Variants in LRRTM4 observed in about 807,000 individuals in gnomAD.
LRRTM4 encodes the protein leucine rich repeat transmembrane neuronal 4, also known as leucine-rich repeat transmembrane neuronal protein 4.
In LRRTM4, 25 loss-of-function variants were observed where a neutral mutation model predicts 47.6. That is an observed-to-expected ratio of 0.53 (90% CI 0.38 to 0.73). The LOEUF (loss-of-function observed/expected upper bound fraction) is 0.73, where lower values mean the gene tolerates loss of function less well. Ranked by LOEUF, LRRTM4 falls within the 30% of genes least tolerant of loss-of-function variation. The pLI, the probability that LRRTM4 is intolerant of heterozygous loss-of-function variation, is 0.00. For missense variants in LRRTM4, 638 were observed against 713.4 expected (o/e 0.89, Z 1.20); for synonymous variants, 311 against 269.5 (o/e 1.15, Z -1.51).
chr2:77,082,567 T>C (rs1343152185), intron 3 of LRRTM4, among the ~76,000 whole-genome samples: 2 of 152,070 alleles, frequency 1.3e-5, no homozygotes, highest in Non-Finnish European at 2.9e-5. Flanking sequence ...TATATATAGG[T>C]CAATGCAGAA....
intron 3 of LRRTM4, among the ~76,000 whole-genome samples, chr2:76,841,168 C>T (rs1416040129): frequency 2.0e-5 from 3 of 151,202 alleles, no homozygotes; most frequent in African/African-American, 4.9e-5. Flanking sequence ...AGCAAGCTAT[C>T]GCAAGGACAA....
chr2:76,977,649 T>G (rs1291431028), intron 3 of LRRTM4, among the ~76,000 whole-genome samples: 1 of 151,946 alleles, frequency 6.6e-6, no homozygotes, highest in Non-Finnish European at 1.5e-5. Context: ...CAGTCATAAC[T>G]CACTGTAAAG....
chr2:76,771,407 CA>C (rs1234808889), intron 3 of LRRTM4, among the ~76,000 whole-genome samples: 1 of 152,070 alleles, frequency 6.6e-6, no homozygotes, highest in Non-Finnish European at 1.5e-5. Flanking sequence ...AAGATTGAAG[CA>C]AAATCCCATG....
At chr2:77,490,522 C>A (rs1678104798) in intron 3 of LRRTM4, among the ~76,000 whole-genome samples, 1 of 151,988 alleles carries the variant, frequency 6.6e-6, no homozygotes, top group Non-Finnish European at 1.5e-5. Flanking sequence ...CTGGGAGGTG[C>A]AATCCACAAA....
chr2:77,301,046 C>T (rs1180201395), intron 3 of LRRTM4, among the ~76,000 whole-genome samples: 1 of 151,648 alleles, frequency 6.6e-6, no homozygotes, highest in Non-Finnish European at 1.5e-5. Flanking sequence ...CATGCTATAT[C>T]TCTTTTAAAG....
Position 77,362,170 on chromosome 2 carries a change from A to AAAGAAAGGAAGGAAGGAAGGAAGG in LRRTM4, c.1551+156147_1551+156148insCCTTCCTTCCTTCCTTCCTTTCTT, listed in dbSNP as rs1282143102. Among the ~76,000 whole-genome samples, 52 of 133,592 alleles carry AAAGAAAGGAAGGAAGGAAGGAAGG rather than the reference A, an allele frequency of 3.9e-4. 1 individual carries two copies. The highest frequency in any genetic ancestry group is 1.5e-3 in the African/African-American group (47 of 30,534). 87.6% of individuals were successfully genotyped at this position (133,592 alleles called of 152,430 possible). A position where few individuals can be genotyped will look rare whatever the true frequency, so the allele number is the denominator to read the frequency against. On this transcript the variant is annotated intron_variant, in intron 3 of 3. Transcript: ENST00000409884. The stretch of plus-strand genomic sequence containing the variant: ...GAAAGAAAGAAAGAAAGAAAGAAAG[A>AAAGAAAGGAAGGAAGGAAGGAAGG]AAGGAAGGAAGGAAGAGTTCTTAAT...
At chr2:77,456,898 T>C (rs1676566792) in intron 3 of LRRTM4, among the ~76,000 whole-genome samples, 1 of 149,202 alleles carries the variant, frequency 6.7e-6, no homozygotes, top group African/African-American at 2.4e-5. Context: ...TTGATTACAT[T>C]CTGTTTATAT....
intron 3 of LRRTM4, among the ~76,000 whole-genome samples, chr2:76,975,659 G>A (rs1321535493): frequency 6.6e-6 from 1 of 151,546 alleles, no homozygotes; most frequent in African/African-American, 2.4e-5. Context: ...GTTAACTGTG[G>A]AACTACTCTA....
intron 3 of LRRTM4, among the ~76,000 whole-genome samples, chr2:76,998,509 G>C (rs7569994): frequency 0.38 from 57,799 of 151,630 alleles, 12,829 homozygotes; most frequent in African/African-American, 0.61. Context: ...AACACACACA[G>C]AACAACAGTA....
At chr2:77,064,443 A>G (rs892618129) in intron 3 of LRRTM4, among the ~76,000 whole-genome samples, 1 of 152,216 alleles carries the variant, frequency 6.6e-6, no homozygotes, top group African/African-American at 2.4e-5. Context: ...AGTAGATTTC[A>G]AAGTTGGCAT....
chr2:76,989,031 T>C (rs1676909380), intron 3 of LRRTM4, among the ~76,000 whole-genome samples: 1 of 151,694 alleles, frequency 6.6e-6, no homozygotes, highest in African/African-American at 2.4e-5. Flanking sequence ...ACTTCAAGCA[T>C]CTTATCAAAT....
At chr2:77,307,651 T>TGTTAC (rs1677323967) in intron 3 of LRRTM4, among the ~76,000 whole-genome samples, 1 of 52,576 alleles carries the variant, frequency 1.9e-5, no homozygotes, top group African/African-American at 2.2e-4. Flanking sequence ...GATATATCTA[T>TGTTAC]ATATTATAGA....
At chr2:77,464,329 G>A (rs1030754098) in intron 3 of LRRTM4, among the ~76,000 whole-genome samples, 10 of 151,982 alleles carry the variant, frequency 6.6e-5, no homozygotes, top group African/African-American at 2.4e-4. Flanking sequence ...CTCATATTTG[G>A]TTTAAGACAG....
intron 3 of LRRTM4, among the ~76,000 whole-genome samples, chr2:76,841,520 T>C (rs1465173686): frequency 6.6e-6 from 1 of 151,996 alleles, no homozygotes; most frequent in African/African-American, 2.4e-5. Flanking sequence ...TTTGTTACAC[T>C]GGGATGGGAA....
rs569199213 is a variant in LRRTM4 at position 77,056,935 on chromosome 2, T to C, written c.1552-308019A>G. Among the ~76,000 whole-genome samples, 20 of 152,330 alleles carry C rather than the reference T, an allele frequency of 1.3e-4. No homozygotes were observed. The East Asian group carries it at 3.7e-3, about 28-fold the overall frequency. On this transcript the variant is annotated intron_variant, in intron 3 of 3. Coordinates refer to ENST00000409884, the MANE Select transcript of LRRTM4 (RefSeq NM_001134745.3). ...CAGACAAACTATAGTTCATATAATATAGGATTTGGCAAACTCAACCTGTGT... is the reference window on the plus strand; with the variant it reads ...CAGACAAACTATAGTTCATATAATACAGGATTTGGCAAACTCAACCTGTGT...
In LRRTM4 at chr2:77,306,897, A is replaced by ATTTTTTTTTTTTT. The variant is rs774697360; in HGVS notation, c.1551+211408_1551+211420dup. On this transcript the variant is annotated intron_variant, in intron 3 of 3. Transcript: ENST00000409884. ...AAATAGCTATATACTGCTTTTCCATATTTTTTTTTTTTTTTTTTTTGAGAT... is the reference window on the plus strand; with the variant it reads ...AAATAGCTATATACTGCTTTTCCATATTTTTTTTTTTTTTTTTTTTTTTTTTTTTTTTTGAGAT... Among the ~76,000 whole-genome samples the ATTTTTTTTTTTTT allele has an allele frequency of 2.6e-3, 287 of 112,388 alleles. 34 individuals carry two copies. Among genetic ancestry groups the ATTTTTTTTTTTTT allele is most frequent in the African/African-American group, 0.012 (270 of 23,114 alleles). The allele number at this position is 112,388 out of a possible 152,430, so 73.7% of individuals were successfully genotyped here.
At chr2:77,496,442 A>G (rs1678367442) in intron 3 of LRRTM4, among the ~76,000 whole-genome samples, 2 of 151,830 alleles carry the variant, frequency 1.3e-5, no homozygotes. Context: ...TTCATTGTGT[A>G]TGATGTTAGT....
At chr2:76,749,729 G>A (rs1402631521) in intron 3 of LRRTM4, among the ~76,000 whole-genome samples, 1 of 152,156 alleles carries the variant, frequency 6.6e-6, no homozygotes, top group Admixed American at 6.6e-5. Flanking sequence ...TTGAATTTTG[G>A]TGGAGCTTTT....
chr2:77,436,941 C>A (rs1253419363), intron 3 of LRRTM4, among the ~76,000 whole-genome samples: 2 of 151,790 alleles, frequency 1.3e-5, no homozygotes, highest in Admixed American at 6.6e-5. Flanking sequence ...ATCACCCAAA[C>A]ATCCACATAA....
Sources: allele counts gnomAD v4.1 joint callset (sites outside exome capture counted in the v4.1 genomes callset), GRCh38; gene constraint gnomAD v4.1.1; transcripts MANE v1.5; gene names NCBI Gene and HGNC (gene_info 2026-07-23, HGNC 2026-07-21).